The following TANC2 variants were observed in gnomAD, a reference collection of about 807,000 sequenced individuals.
TANC2 encodes protein TANC2.
Under a neutral mutation model 210.5 loss-of-function variants are expected in TANC2, and 26 were observed. The observed-to-expected ratio is 0.12, with a 90% CI of 0.09 to 0.17. TANC2 has a LOEUF of 0.17. Ranked by LOEUF, TANC2 falls within the 10% of genes least tolerant of loss-of-function variation. The pLI, the probability that TANC2 is intolerant of heterozygous loss-of-function variation, is 1.00. For missense variants in TANC2, 2,129 were observed against 2,608.9 expected, an observed-to-expected ratio of 0.82 and a Z score of 4.01; for synonymous variants, 931 against 967.1, an observed-to-expected ratio of 0.96 and a Z score of 0.69.
exon 18 of TANC2, chr17:63,395,754 G>T (rs767677178): frequency 1.2e-6 from 2 of 1,613,246 alleles, no homozygotes; most frequent in Non-Finnish European, 1.7e-6. Flanking sequence ...TGGATCATTT[G>T]GATAAGAACG....
chr17:63,264,636 A>G (rs544991282), intron 8 of TANC2, among the ~76,000 whole-genome samples: 3 of 152,266 alleles, frequency 2.0e-5, no homozygotes, highest in Admixed American at 2.0e-4. Flanking sequence ...AAGATTTCTC[A>G]ACTTTTTGTG....
At chr17:63,141,997 AAT>A (rs972626704) in intron 4 of TANC2, among the ~76,000 whole-genome samples, 40 of 152,374 alleles carry the variant, frequency 2.6e-4, no homozygotes, top group African/African-American at 9.1e-4. Context: ...TATTTATTTT[AAT>A]TGATTGAACT....
chr17:62,991,561 AC>A (rs2032865624), intron 1 of TANC2, among the ~76,000 whole-genome samples: 1 of 151,470 alleles, frequency 6.6e-6, no homozygotes, highest in Admixed American at 6.6e-5. Context: ...AATGCCGTGA[AC>A]CTGGGAGGCG....
chr17:63,266,695 A>G (rs147370610), intron 8 of TANC2, among the ~76,000 whole-genome samples: 52 of 152,304 alleles, frequency 3.4e-4, no homozygotes, highest in Middle Eastern at 3.4e-3. Flanking sequence ...CACATCATAC[A>G]ATACAGAAAT....
At chr17:63,151,187 CCT>C (rs2039640968) in intron 4 of TANC2, 81 bp from the exon 5 acceptor site, 8 of 615,418 alleles carry the variant, frequency 1.3e-5, no homozygotes, top group Non-Finnish European at 1.6e-5. Flanking sequence ...CTTCTCTTTC[CCT>C]GTTTCTCTCC....
rs570400854 is a variant in TANC2 at position 62,976,768 on chromosome 17, GC to G, written c.-24+10022del. On this transcript the variant is annotated intron_variant, in intron 1 of 27. Coordinates refer to ENST00000689528, the Ensembl canonical transcript of TANC2. ...CTCTCACAATTTAGCCTAAATACTT[GC>G]CCTGGCATGCTTATACTGGTCCAAG... Among the ~76,000 whole-genome samples, 421 of 152,184 alleles carry G rather than the reference GC, an allele frequency of 2.8e-3. 2 individuals carry two copies. The highest frequency in any genetic ancestry group is 4.7e-3 in the Non-Finnish European group (321 of 68,008).
chr17:63,149,538 A>T (rs893262543), intron 4 of TANC2: 1 of 152,182 alleles, frequency 6.6e-6, no homozygotes, highest in Non-Finnish European at 1.5e-5. Flanking sequence ...CAGGTAAAAC[A>T]GTTACTCTGA....
chr17:63,245,963 T>C (rs2042907163), intron 8 of TANC2, among the ~76,000 whole-genome samples: 2 of 151,540 alleles, frequency 1.3e-5, no homozygotes, highest in South Asian at 4.2e-4. Context: ...TGAGCCAAGA[T>C]TGCACCAGTG....
intron 8 of TANC2, among the ~76,000 whole-genome samples, chr17:63,252,628 T>C (rs2043083594): frequency 6.6e-6 from 1 of 152,190 alleles, no homozygotes; most frequent in Non-Finnish European, 1.5e-5. Flanking sequence ...CACATATGAC[T>C]GAGAACATAC....
At chr17:63,392,072 CTCT>C (rs1326793240) in intron 17 of TANC2, among the ~76,000 whole-genome samples, 11 of 152,252 alleles carry the variant, frequency 7.2e-5, no homozygotes, top group South Asian at 2.1e-4. Flanking sequence ...GGCTGCCCCT[CTCT>C]TCTTCTTCTG....
In TANC2 at chr17:63,225,969, A is replaced by G. The variant is rs970035549; in HGVS notation, c.770-11845A>G. Among the ~76,000 whole-genome samples, 4 of 152,220 alleles carry G rather than the reference A, an allele frequency of 2.6e-5. 1 individual carries two copies. Among genetic ancestry groups the G allele is most frequent in the Admixed American group, 1.3e-4 (2 of 15,276 alleles). The stretch of plus-strand genomic sequence containing the variant: ...TTTTGTGACTTTGTCACCAATAAAT[A>G]CCTCAGATATTTTCATGTTACTTGT... On this transcript the variant is annotated intron_variant, in intron 7 of 27. Transcript: ENST00000689528.
chr17:63,169,258 C>G (rs1458881101), intron 5 of TANC2, among the ~76,000 whole-genome samples: 2 of 152,124 alleles, frequency 1.3e-5, no homozygotes, highest in Non-Finnish European at 2.9e-5. Context: ...ATTTCCATTG[C>G]CTATTACTTA....
At chr17:63,117,079 T>C (rs1683804696) in intron 4 of TANC2, 1 of 152,182 alleles carries the variant, frequency 6.6e-6, no homozygotes, top group Non-Finnish European at 1.5e-5. Context: ...CCAGAATCCA[T>C]GTCACAGATC....
intron 1 of TANC2, among the ~76,000 whole-genome samples, chr17:62,985,092 T>C (rs1166814936): frequency 6.6e-6 from 1 of 152,232 alleles, no homozygotes; most frequent in Non-Finnish European, 1.5e-5. Context: ...TCCCATAGTT[T>C]TGGCTTGTCT....
intron 12 of TANC2, among the ~76,000 whole-genome samples, chr17:63,350,044 A>T (rs2046547979): frequency 6.6e-6 from 1 of 152,202 alleles, no homozygotes; most frequent in Non-Finnish European, 1.5e-5. Flanking sequence ...GGATATTGAA[A>T]TTAAATCTCT....
chr17:63,197,226 A>G (rs1013760015), intron 6 of TANC2, among the ~76,000 whole-genome samples: 9 of 152,200 alleles, frequency 5.9e-5, no homozygotes, highest in African/African-American at 7.2e-5. Flanking sequence ...AACATACATT[A>G]TGCCTCTCAT....
intron 9 of TANC2, among the ~76,000 whole-genome samples, chr17:63,313,862 G>T (rs559602735): frequency 6.6e-6 from 1 of 152,134 alleles, no homozygotes; most frequent in Non-Finnish European, 1.5e-5. Flanking sequence ...CAACTGATAC[G>T]TACTGGTATA....
At chr17:63,187,381 A>G (rs900029539) in intron 5 of TANC2, among the ~76,000 whole-genome samples, 2 of 152,190 alleles carry the variant, frequency 1.3e-5, no homozygotes, top group African/African-American at 4.8e-5. Context: ...ATTAGTTAAT[A>G]TAGGTAAAAT....
chr17:63,322,204 G>A (rs567639606), intron 11 of TANC2, among the ~76,000 whole-genome samples: 4 of 152,024 alleles, frequency 2.6e-5, no homozygotes, highest in East Asian at 3.9e-4. Context: ...CTGTGTAAAC[G>A]GTCTCTATCC....
Sources: gnomAD v4.1 joint callset for allele counts (sites outside exome capture counted in the v4.1 genomes callset) on GRCh38, gnomAD v4.1.1 for gene constraint, MANE v1.5 for transcripts, NCBI Gene and HGNC (gene_info 2026-07-23, HGNC 2026-07-21) for gene names.